LSAMP: variants seen among roughly 807,000 people sequenced by gnomAD.
LSAMP encodes limbic system-associated membrane protein.
A neutral mutation model predicts 38.6 loss-of-function variants in LSAMP; 7 were observed. The observed-to-expected ratio is 0.18, with a 90% CI of 0.10 to 0.34. The LOEUF (loss-of-function observed/expected upper bound fraction) is 0.34, where lower values mean the gene tolerates loss of function less well. Among genes scored for constraint, LSAMP ranks in the 10% least tolerant of loss-of-function variants. The probability of loss-of-function intolerance (pLI) is 1.00; values close to 1 mark genes in which losing one functional copy is unlikely to be tolerated. For missense variants in LSAMP, 313 were observed against 420.0 expected (o/e 0.75, Z 2.23); for synonymous variants, 154 against 166.8 (o/e 0.92, Z 0.59).
chr3:115,909,833 A>G (rs1204146278), intron 3 of LSAMP, among the ~76,000 whole-genome samples: 1 of 152,186 alleles, frequency 6.6e-6, no homozygotes. Context: ...AGTTTGCCTT[A>G]TTAGTGAGGT....
At chr3:115,981,780 A>G (rs554707053) in intron 3 of LSAMP, among the ~76,000 whole-genome samples, 1 of 152,318 alleles carries the variant, frequency 6.6e-6, no homozygotes, top group African/African-American at 2.4e-5. Context: ...AAATCCGCAC[A>G]TCGGAATTCT....
intron 6 of LSAMP, among the ~76,000 whole-genome samples, chr3:115,831,578 G>C (rs925107217): frequency 6.6e-6 from 1 of 152,130 alleles, no homozygotes; most frequent in Admixed American, 6.6e-5. Flanking sequence ...TGTTATCATT[G>C]CTCAGTACCC....
At chr3:116,128,776 G>A (rs1349408945) in intron 1 of LSAMP, among the ~76,000 whole-genome samples, 1 of 152,108 alleles carries the variant, frequency 6.6e-6, no homozygotes, top group African/African-American at 2.4e-5. Flanking sequence ...CTTCAGCTAC[G>A]ATTAAGAAGT....
At position 116,379,032 on chromosome 3, in the gene LSAMP, C is replaced by T. The variant is rs191053767; in HGVS notation, c.155+65845G>A. On this transcript the variant is annotated intron_variant, in intron 1 of 6. Coordinates refer to ENST00000490035, the MANE Select transcript of LSAMP (RefSeq NM_002338.5). ...ACACACACACACACACACACACACACACGAGTCCTACCATGACAAATTGAT... is the reference window on the plus strand; with the variant it reads ...ACACACACACACACACACACACACATACGAGTCCTACCATGACAAATTGAT... 9.0e-3 allele frequency among the ~76,000 whole-genome samples: 1,294 copies of T among 144,012 alleles called. 11 individuals are homozygous for T. The highest frequency in any genetic ancestry group is 0.015 in the Non-Finnish European group (989 of 64,690). The allele number at this position is 144,012 out of a possible 152,430, so 94.5% of individuals were successfully genotyped here.
chr3:115,878,579 A>G (rs1211001262), intron 3 of LSAMP, among the ~76,000 whole-genome samples: 1 of 145,112 alleles, frequency 6.9e-6, no homozygotes, highest in Non-Finnish European at 1.5e-5. Context: ...CTCTTGTCTC[A>G]GCCTCCAGAG....
intron 1 of LSAMP, among the ~76,000 whole-genome samples, chr3:116,108,710 C>T (rs1446432698): frequency 6.6e-6 from 1 of 152,142 alleles, no homozygotes; most frequent in African/African-American, 2.4e-5. Flanking sequence ...AGAGATGGGA[C>T]GTGGCTTAGG....
chr3:116,199,329 C>T (rs1407759240), intron 1 of LSAMP, among the ~76,000 whole-genome samples: 1 of 152,104 alleles, frequency 6.6e-6, no homozygotes, highest in Non-Finnish European at 1.5e-5. Context: ...GATGCCTTTC[C>T]TGATATTCAA....
At chr3:116,343,660 G>T (rs1435172262) in intron 1 of LSAMP, among the ~76,000 whole-genome samples, 1 of 152,040 alleles carries the variant, frequency 6.6e-6, no homozygotes, top group African/African-American at 2.4e-5. Context: ...GGGTCTCTGT[G>T]TTGATTATTA....
chr3:116,351,997 G>GT (rs1472565437), intron 1 of LSAMP, among the ~76,000 whole-genome samples: 3 of 152,190 alleles, frequency 2.0e-5, no homozygotes, highest in African/African-American at 7.2e-5. Context: ...TCAGAGGAAA[G>GT]TTTAGTTAAC....
chr3:115,854,273 ATTATTATTATTTTTT>A (rs1476361035), intron 3 of LSAMP, among the ~76,000 whole-genome samples: 3 of 119,546 alleles, frequency 2.5e-5, no homozygotes, highest in Non-Finnish European at 5.2e-5. Flanking sequence ...TATTATTATT[ATTATTATTATTTTTT>A]TTTTTTTTTT....
intron 1 of LSAMP, among the ~76,000 whole-genome samples, chr3:116,196,698 G>A (rs1347980028): frequency 6.6e-6 from 1 of 152,192 alleles, no homozygotes; most frequent in Non-Finnish European, 1.5e-5. Context: ...CTTATCACGT[G>A]TAGTCAAAAT....
At chr3:116,222,720 C>CAT (rs2046301856) in intron 1 of LSAMP, among the ~76,000 whole-genome samples, 1 of 49,928 alleles carries the variant, frequency 2.0e-5, no homozygotes, top group Non-Finnish European at 3.5e-5. Context: ...TCATCCTCTC[C>CAT]TTTTTTTTTT....
chr3:116,071,270 G>A (rs947848005), intron 2 of LSAMP, among the ~76,000 whole-genome samples: 7 of 149,994 alleles, frequency 4.7e-5, no homozygotes, highest in Non-Finnish European at 7.4e-5. Context: ...GGGGAAAAGG[G>A]CATCACAACA....
intron 1 of LSAMP, among the ~76,000 whole-genome samples, chr3:116,442,453 A>G (rs1011287517): frequency 2.0e-5 from 3 of 152,150 alleles, no homozygotes; most frequent in African/African-American, 7.2e-5. Context: ...TGTCACAAAT[A>G]AAGTGAAAAC....
chr3:116,123,659 T>C lies in LSAMP; in HGVS notation c.156-37103A>G, dbSNP rs114695661. 5.6e-3 allele frequency among the ~76,000 whole-genome samples: 849 copies of C among 152,332 alleles called. 8 individuals are homozygous for C. The highest frequency in any genetic ancestry group is 0.02 in the African/African-American group (821 of 41,568). Reference sequence around the variant, plus strand: ...TCTTTTTATTTTAAATGGATAAGGGTATCCATGATGCTAGGTTTGATATCC... The same window carrying C: ...TCTTTTTATTTTAAATGGATAAGGGCATCCATGATGCTAGGTTTGATATCC... On this transcript the variant is annotated intron_variant, in intron 1 of 6. Coordinates refer to ENST00000490035, the MANE Select transcript of LSAMP (RefSeq NM_002338.5).
intron 6 of LSAMP, among the ~76,000 whole-genome samples, chr3:115,820,241 G>A (rs1032124375): frequency 2.6e-5 from 4 of 152,162 alleles, no homozygotes; most frequent in Non-Finnish European, 5.9e-5. Flanking sequence ...AACACAACCT[G>A]GAACCTATGA....
chr3:116,102,767 T>TTATCTATTTATCTATCTATCTATC (rs149045674), intron 1 of LSAMP, among the ~76,000 whole-genome samples: 1 of 151,036 alleles, frequency 6.6e-6, no homozygotes, highest in African/African-American at 2.5e-5. Context: ...TTTTAAAATT[T>TTATCTATTTATCTATCTATCTATC]TATCTATCTA....
chr3:115,887,395 G>C (rs1191735850), intron 3 of LSAMP, among the ~76,000 whole-genome samples: 1 of 151,744 alleles, frequency 6.6e-6, no homozygotes, highest in African/African-American at 2.4e-5. Context: ...TTAATAACTA[G>C]CAATAACAAA....
At chr3:116,207,541 C>A (rs1385747107) in intron 1 of LSAMP, among the ~76,000 whole-genome samples, 44 of 151,554 alleles carry the variant, frequency 2.9e-4, no homozygotes, top group East Asian at 9.8e-4. Flanking sequence ...AGCGGCTGGT[C>A]CCGGTTGTTC....
Sources: gnomAD v4.1 joint callset for allele counts (sites outside exome capture counted in the v4.1 genomes callset) on GRCh38, gnomAD v4.1.1 for gene constraint, MANE v1.5 for transcripts, NCBI Gene and HGNC (gene_info 2026-07-23, HGNC 2026-07-21) for gene names.